CDKN3: variants seen among roughly 807,000 people sequenced by gnomAD.
CDKN3 encodes the protein cyclin dependent kinase inhibitor 3.
A neutral mutation model predicts 36.1 loss-of-function variants in CDKN3; 19 were observed. The observed-to-expected ratio is 0.53, with a 90% CI of 0.37 to 0.77. The LOEUF (loss-of-function observed/expected upper bound fraction) is 0.77. Among genes scored for constraint, CDKN3 ranks in the 30% least tolerant of loss-of-function variants. The pLI, the probability that CDKN3 is intolerant of heterozygous loss-of-function variation, is 0.00. For synonymous variants in CDKN3, 71 were observed against 85.3 expected, an observed-to-expected ratio of 0.83 and a Z score of 0.92; for missense variants, 188 against 248.6, an observed-to-expected ratio of 0.76 and a Z score of 1.64.
At chr14:54,399,045 G>T (rs1188138127) in intron 1 of CDKN3, among the ~76,000 whole-genome samples, 1 of 140,484 alleles carries the variant, frequency 7.1e-6, no homozygotes, top group Non-Finnish European at 1.5e-5. Flanking sequence ...GAGTGCAGTG[G>T]TGTGTTCCTG....
At position 54,399,967 on chromosome 14, in the gene CDKN3, A is replaced by G. The variant is rs910343850; in HGVS notation, c.83A>G (p.His28Arg). 3.2e-5 allele frequency: 46 copies of G among 1,449,516 alleles called. No individual in the cohort carries two copies. Among genetic ancestry groups the G allele is most frequent in the Non-Finnish European group, 4.5e-5 (46 of 1,030,196 alleles). 89.8% of individuals were successfully genotyped at this position (1,449,516 alleles called of 1,614,324 possible). The change falls in exon 2 of 8, where the codon CAT (histidine) becomes CGT (arginine). Residue 28 changes from histidine to arginine, a missense_variant. Coordinates refer to ENST00000335183, the MANE Select transcript of CDKN3 (RefSeq NM_005192.4). ...ATTGAAGATGAACAGACTCCAATTC[A>G]TATATCATGGTATGTTAGCATTTCT... is the stretch of plus-strand genomic sequence containing the variant. Reference protein sequence around the residue: ...EPIEDEQTPIHISWLSLSRVN... With the variant: ...EPIEDEQTPIRISWLSLSRVN...
rs149617410 is a variant in CDKN3 at position 54,411,593 on chromosome 14, T to G, written c.303T>G (p.Ile101Met). Residue 101 changes from isoleucine to methionine, a missense_variant, in exon 5 of 8, where the codon ATT becomes ATG. Coordinates refer to ENST00000335183, the MANE Select transcript of CDKN3 (RefSeq NM_005192.4). Reference protein sequence around the residue: ...NLLDLYQQCGIITHHHPIADG... With the variant: ...NLLDLYQQCGMITHHHPIADG... Reference sequence around the variant, plus strand: ...TGGATCTCTACCAGCAATGTGGAATTATCACCCATCATCATCCAATCGCAG... The same window carrying G: ...TGGATCTCTACCAGCAATGTGGAATGATCACCCATCATCATCCAATCGCAG... 6 of 1,613,896 alleles carry G rather than the reference T, an allele frequency of 3.7e-6. No homozygotes were observed. The African/African-American group carries it at 6.7e-5, about 18-fold the overall frequency.
chr14:54,418,877 C>T (rs1247911941), intron 7 of CDKN3, among the ~76,000 whole-genome samples: 2 of 152,034 alleles, frequency 1.3e-5, no homozygotes, highest in Non-Finnish European at 2.9e-5. Flanking sequence ...TCAAACGATG[C>T]GGCCAGGCGC....
At chr14:54,416,905 T>C (rs902235110) in intron 6 of CDKN3, among the ~76,000 whole-genome samples, 1 of 152,170 alleles carries the variant, frequency 6.6e-6, no homozygotes, top group Non-Finnish European at 1.5e-5. Flanking sequence ...AAGATACACA[T>C]ATAGTCAGTA....
chr14:54,410,672 C>T (rs933344790), intron 4 of CDKN3, among the ~76,000 whole-genome samples: 1 of 152,192 alleles, frequency 6.6e-6, no homozygotes, highest in Non-Finnish European at 1.5e-5. Context: ...GCACCTCTGA[C>T]ACCATGGCCA....
chr14:54,410,160 T>C (rs879500955), intron 4 of CDKN3, among the ~76,000 whole-genome samples: 27 of 152,334 alleles, frequency 1.8e-4, no homozygotes, highest in Non-Finnish European at 3.5e-4. Context: ...TACTTTTTTT[T>C]CTGCAATGAA....
intron 6 of CDKN3, among the ~76,000 whole-genome samples, chr14:54,416,937 C>T: frequency 6.6e-6 from 1 of 152,220 alleles, no homozygotes; most frequent in East Asian, 1.9e-4. Context: ...AGATGCTCAA[C>T]ATCATCAGTC....
At chr14:54,402,786 A>C (rs917619537) in intron 3 of CDKN3, among the ~76,000 whole-genome samples, 2 of 152,058 alleles carry the variant, frequency 1.3e-5, no homozygotes, top group East Asian at 3.9e-4. Flanking sequence ...AGTTTTCCCA[A>C]CACCATTTAT....
chr14:54,415,861 T>A (rs199790059), intron 5 of CDKN3, 38 bp from the exon 6 acceptor site: 112 of 1,524,716 alleles, frequency 7.3e-5, no homozygotes, highest in Non-Finnish European at 9.8e-5. Flanking sequence ...AGGGATGGAA[T>A]GAAATGTACA....
In CDKN3 at chr14:54,397,807, T is replaced by C. The variant is rs558127902; in HGVS notation, c.9+730T>C. On this transcript the variant is annotated intron_variant, in intron 1 of 7. Coordinates refer to ENST00000335183, the MANE Select transcript of CDKN3 (RefSeq NM_005192.4). ...CCTTTCCTTTGGGTGCAGTTGATTATAATACTTCAGATAGAGCCAAAGCAA... is the reference window on the plus strand; with the variant it reads ...CCTTTCCTTTGGGTGCAGTTGATTACAATACTTCAGATAGAGCCAAAGCAA... Among the ~76,000 whole-genome samples the C allele has an allele frequency of 9.2e-5, 14 of 152,338 alleles. No homozygotes were observed. The South Asian group carries it at 1.9e-3, about 20-fold the overall frequency.
chr14:54,401,470 A>G, intron 2 of CDKN3, 54 bp from the exon 3 acceptor site: 1 of 1,266,164 alleles, frequency 7.9e-7, no homozygotes, highest in Non-Finnish European at 1.1e-6. Context: ...CTGAATTTCC[A>G]TTTATAACTT....
intron 6 of CDKN3, among the ~76,000 whole-genome samples, chr14:54,416,768 T>TTA: frequency 6.6e-6 from 1 of 152,144 alleles, no homozygotes; most frequent in South Asian, 2.1e-4. Flanking sequence ...TGAACCGAGT[T>TTA]TACACCACTG....
chr14:54,406,422 C>T (rs2030160926), intron 3 of CDKN3, among the ~76,000 whole-genome samples: 2 of 152,104 alleles, frequency 1.3e-5, no homozygotes, highest in Non-Finnish European at 2.9e-5. Flanking sequence ...TGGATAATAT[C>T]CTGAAGTGTG....
intron 2 of CDKN3, 128 bp from the exon 3 acceptor site, chr14:54,401,396 C>G (rs1369651572): frequency 3.5e-6 from 2 of 571,906 alleles, no homozygotes; most frequent in African/African-American, 3.9e-5. Flanking sequence ...TGAATTCTTA[C>G]TTTGTGACTA....
chr14:54,397,222 TCGCA>T, intron 1 of CDKN3, 145 bp downstream of exon 1: 2 of 954,834 alleles, frequency 2.1e-6, no homozygotes, highest in Non-Finnish European at 2.9e-6. Context: ...GGGAGGTGAC[TCGCA>T]CGGGCCCAGC....
intron 5 of CDKN3, among the ~76,000 whole-genome samples, chr14:54,415,406 A>C (rs1284723784): frequency 6.6e-6 from 1 of 152,256 alleles, no homozygotes; most frequent in Non-Finnish European, 1.5e-5. Flanking sequence ...TTAGCTTTAC[A>C]CATCTAATAA....
chr14:54,406,258 G>T (rs1424361680), intron 3 of CDKN3, among the ~76,000 whole-genome samples: 2 of 152,106 alleles, frequency 1.3e-5, no homozygotes, highest in Non-Finnish European at 2.9e-5. Context: ...TTTCTCTCTG[G>T]CTGCTCTTTA....
chr14:54,414,923 G>A (rs920324692), intron 5 of CDKN3, among the ~76,000 whole-genome samples: 2 of 152,000 alleles, frequency 1.3e-5, no homozygotes, highest in Non-Finnish European at 2.9e-5. Context: ...GCAAGTTCAC[G>A]AGTAAGACTA....
At chr14:54,419,423 T>C (rs1289346725) in intron 7 of CDKN3, among the ~76,000 whole-genome samples, 1 of 152,204 alleles carries the variant, frequency 6.6e-6, no homozygotes, top group Non-Finnish European at 1.5e-5. Context: ...AGTAAGAATA[T>C]CTTTTGGGAG....
Sources: allele counts gnomAD v4.1 joint callset (sites outside exome capture counted in the v4.1 genomes callset), GRCh38; gene constraint gnomAD v4.1.1; transcripts MANE v1.5; gene names NCBI Gene and HGNC (gene_info 2026-07-23, HGNC 2026-07-21).